Variants in C12orf42 observed in about 807,000 individuals in gnomAD.
C12orf42 encodes the protein uncharacterized protein C12orf42.
In C12orf42, 25 loss-of-function variants were observed where a neutral mutation model predicts 21.6. The ratio of observed to expected loss-of-function variants is 1.16; its 90% CI spans 0.84 to 1.62. The LOEUF (loss-of-function observed/expected upper bound fraction) is 1.62. Ranked by LOEUF, C12orf42 falls within the 40% of genes most tolerant of loss-of-function variation. C12orf42 has a pLI of 0.00. For missense variants in C12orf42, 483 were observed against 459.3 expected (o/e 1.05, Z -0.47); for synonymous variants, 174 against 175.0 (o/e 0.99, Z 0.05).
chr12:103,273,869 T>C (rs1164137290), intron 5 of C12orf42: 2 of 456,294 alleles, frequency 4.4e-6, no homozygotes, highest in Middle Eastern at 3.3e-4. Flanking sequence ...GGTCTCCTCA[T>C]AGTGGCTATT....
In C12orf42 at chr12:103,452,257, G is replaced by C. The variant is rs1039380985; in HGVS notation, c.78+26092C>G. ...TGGGGTTGTTTGCATGATGGTGTCAGGATTCCAAAAGCATGGAAGCATGAA... is the reference window on the plus strand; with the variant it reads ...TGGGGTTGTTTGCATGATGGTGTCACGATTCCAAAAGCATGGAAGCATGAA... On this transcript the variant is annotated intron_variant, in intron 2 of 5. Transcript: ENST00000548883. Among the ~76,000 whole-genome samples the C allele has an allele frequency of 2.0e-5, 3 of 151,980 alleles. No homozygotes were observed. In the South Asian group the frequency reaches 6.2e-4, roughly 31 times the overall value.
chr12:103,459,597 G>A (rs928895767), intron 2 of C12orf42, among the ~76,000 whole-genome samples: 6 of 152,154 alleles, frequency 3.9e-5, no homozygotes, highest in African/African-American at 9.7e-5. Context: ...TTCAGAACAC[G>A]AGCCAGTTAA....
chr12:103,231,541 G>A, the C12orf42 span, among the ~76,000 whole-genome samples: 17 of 152,098 alleles, frequency 1.1e-4, no homozygotes, highest in Admixed American at 5.2e-4. Flanking sequence ...CCAGAATATC[G>A]TATAGTTGGA....
the C12orf42 span, among the ~76,000 whole-genome samples, chr12:103,547,074 A>G: frequency 6.6e-6 from 1 of 152,152 alleles, no homozygotes; most frequent in Admixed American, 6.6e-5. Context: ...TGTCATATAA[A>G]ACTTCCATTA....
At chr12:103,228,277 G>C in the C12orf42 span, among the ~76,000 whole-genome samples, 1 of 152,056 alleles carries the variant, frequency 6.6e-6, no homozygotes, top group Non-Finnish European at 1.5e-5. Context: ...AGTCAAAGGG[G>C]GTTTGTTCTC....
At chr12:103,516,358 GCAACATAGACCATATGATA>G in the C12orf42 span, among the ~76,000 whole-genome samples, 7 of 152,166 alleles carry the variant, frequency 4.6e-5, no homozygotes, top group African/African-American at 1.4e-4. Context: ...CTGATGGAAA[GCAACATAGACCATATGATA>G]CATATTCAAG....
At chr12:103,072,943 A>G in the C12orf42 span, among the ~76,000 whole-genome samples, 1 of 152,224 alleles carries the variant, frequency 6.6e-6, no homozygotes, top group African/African-American at 2.4e-5. Flanking sequence ...CCCATCAATG[A>G]TAGACTGGAT....
intron 2 of C12orf42, among the ~76,000 whole-genome samples, chr12:103,437,001 G>C (rs927228904): frequency 1.3e-5 from 2 of 149,856 alleles, no homozygotes; most frequent in Non-Finnish European, 3.0e-5. Context: ...CCACATACTT[G>C]GAAGTAAAGC....
the C12orf42 span, chr12:103,558,437 C>A: frequency 6.6e-6 from 1 of 152,274 alleles, no homozygotes; most frequent in Non-Finnish European, 1.5e-5. Context: ...TCCAGCCTGT[C>A]CAGGCCTTTG....
chr12:103,047,883 G>A, the C12orf42 span, among the ~76,000 whole-genome samples: 4,079 of 152,164 alleles, frequency 0.027, 97 homozygotes, highest in African/African-American at 0.059. Flanking sequence ...GAGTAGACAC[G>A]GTAAGGTTTC....
At chr12:103,210,118 GA>G in the C12orf42 span, among the ~76,000 whole-genome samples, 1 of 151,652 alleles carries the variant, frequency 6.6e-6, no homozygotes, top group Non-Finnish European at 1.5e-5. Context: ...TTTCTAAAGT[GA>G]AAGATGGTAA....
At chr12:103,321,313 A>C (rs1173724014) in intron 4 of C12orf42, among the ~76,000 whole-genome samples, 2 of 151,262 alleles carry the variant, frequency 1.3e-5, no homozygotes, top group Non-Finnish European at 2.9e-5. Context: ...AACCACAATG[A>C]GATACCATCT....
intron 4 of C12orf42, among the ~76,000 whole-genome samples, chr12:103,277,908 T>C (rs2035867871): frequency 6.6e-6 from 1 of 152,172 alleles, no homozygotes; most frequent in Admixed American, 6.5e-5. Flanking sequence ...TGTGAGCCAC[T>C]GCACCCGATG....
chr12:103,348,653 G>A (rs140947833), intron 4 of C12orf42, among the ~76,000 whole-genome samples: 60 of 152,232 alleles, frequency 3.9e-4, no homozygotes, highest in African/African-American at 9.9e-4. Flanking sequence ...CAGTCATTTC[G>A]GGAATTTTTG....
At chr12:103,252,167 C>T (rs1177301090) in intron 10 of C12orf42, among the ~76,000 whole-genome samples, 1 of 152,082 alleles carries the variant, frequency 6.6e-6, no homozygotes, top group Non-Finnish European at 1.5e-5. Flanking sequence ...TGTATATGTG[C>T]CACATTTTCT....
At chr12:103,296,989 T>A (rs1241044881), downstream of C12orf42, among the ~76,000 whole-genome samples, 3 of 152,230 alleles carry the variant, frequency 2.0e-5, no homozygotes, top group East Asian at 5.8e-4. Flanking sequence ...TTTTATGGTT[T>A]TAGGTCTAAC....
chr12:103,462,343 T>C (rs566819332), intron 2 of C12orf42, among the ~76,000 whole-genome samples: 2 of 152,118 alleles, frequency 1.3e-5, no homozygotes, highest in South Asian at 4.2e-4. Flanking sequence ...ACCCCTGACC[T>C]CAGGTGATCC....
intron 4 of C12orf42, among the ~76,000 whole-genome samples, chr12:103,306,665 T>TCTAG (rs2038367535): frequency 6.6e-6 from 1 of 152,142 alleles, no homozygotes; most frequent in South Asian, 2.1e-4. Context: ...CTTGCACAGG[T>TCTAG]CACAAAGCTA....
chr12:103,561,697 A>G, the C12orf42 span, among the ~76,000 whole-genome samples: 1 of 152,150 alleles, frequency 6.6e-6, no homozygotes, highest in Non-Finnish European at 1.5e-5. Flanking sequence ...AAACAAAAAG[A>G]CAAAGAACTG....
Sources: gnomAD v4.1 joint callset for allele counts (sites outside exome capture counted in the v4.1 genomes callset) on GRCh38, gnomAD v4.1.1 for gene constraint, MANE v1.5 for transcripts, NCBI Gene and HGNC (gene_info 2026-07-23, HGNC 2026-07-21) for gene names.